The following SRF variants were observed in gnomAD, a reference collection of about 807,000 sequenced individuals.
SRF encodes the protein c-fos serum response element-binding transcription factor.
Under a neutral mutation model 37.1 loss-of-function variants are expected in SRF, and 7 were observed. That is an observed-to-expected ratio of 0.19 (90% CI 0.11 to 0.35). The LOEUF is 0.35. Ranked by LOEUF, SRF falls within the 10% of genes least tolerant of loss-of-function variation. SRF has a pLI of 1.00. For missense variants in SRF, 395 were observed against 694.4 expected, an observed-to-expected ratio of 0.57 and a Z score of 4.85; for synonymous variants, 285 against 310.1, an observed-to-expected ratio of 0.92 and a Z score of 0.85.
Position 43,171,507 on chromosome 6 carries a change from A to G in SRF, c.-150A>G, listed in dbSNP as rs1435887600. On this transcript the variant is annotated 5_prime_UTR_variant, in exon 1 of 7. Coordinates refer to ENST00000265354, the MANE Select transcript of SRF (RefSeq NM_003131.4). The surrounding 1 kb of genome is among the most constrained non-coding windows in gnomAD (Gnocchi z 6.5). ...AGGGCCCAGGTCGGCCCGGGCGTGC[A>G]GGGGCCCCGGGTTCGCAGCGGCGGC... 6.0e-6 allele frequency: 5 copies of G among 839,046 alleles called. No individual in the cohort carries two copies. Among genetic ancestry groups the G allele is most frequent in the Non-Finnish European group, 7.7e-6 (5 of 649,002 alleles). 52.0% of individuals were successfully genotyped at this position (839,046 alleles called of 1,614,324 possible).
chr6:43,177,675 G>A (rs928445503), intron 4 of SRF, among the ~76,000 whole-genome samples: 4 of 151,246 alleles, frequency 2.6e-5, no homozygotes, highest in African/African-American at 4.9e-5. Context: ...CAGCGCTTTG[G>A]GAGGCCGAGG....
At position 43,179,530 on chromosome 6, in the gene SRF, C is replaced by G. The variant is rs1772269136; in HGVS notation, c.*340C>G. 3.0e-6 allele frequency: 1 copy of G among 328,958 alleles called. No individual in the cohort carries two copies. Among genetic ancestry groups the G allele is most frequent in the Non-Finnish European group, 5.9e-6 (1 of 170,494 alleles). The allele number at this position is 328,958 out of a possible 1,614,324, so 20.4% of individuals were successfully genotyped here. On this transcript the variant is annotated 3_prime_UTR_variant, in exon 7 of 7. Transcript: ENST00000265354. This position sits in a 1 kb window ranked among gnomAD's most constrained non-coding sequence, Gnocchi z 5.3. ...CGTGCCCCACCTCCCCACACACAGG[C>G]CTTCTGTGGGGCTGGGCACCGTGTC...
At position 43,180,917 on chromosome 6, in the gene SRF, T is replaced by G. The variant is rs1176693772; in HGVS notation, c.*1727T>G. 6.6e-6 allele frequency: 1 copy of G among 152,382 alleles called. No homozygotes were observed. Among genetic ancestry groups the G allele is most frequent in the Non-Finnish European group, 1.5e-5 (1 of 68,040 alleles). 9.4% of individuals were successfully genotyped at this position (152,382 alleles called of 1,614,324 possible). ...ACCCTCATTGCTGTCTTGCCCCAGTTTGGGGTGCCAAGATGGAAGTCACCT... is the reference window on the plus strand; with the variant it reads ...ACCCTCATTGCTGTCTTGCCCCAGTGTGGGGTGCCAAGATGGAAGTCACCT... On this transcript the variant is annotated 3_prime_UTR_variant, in exon 7 of 7. Coordinates refer to ENST00000265354, the MANE Select transcript of SRF (RefSeq NM_003131.4).
At position 43,179,297 on chromosome 6, in the gene SRF, G is replaced by A. The variant is rs535273153; in HGVS notation, c.*107G>A. 3.4e-5 allele frequency: 42 copies of A among 1,234,266 alleles called. No individual in the cohort carries two copies. In the African/African-American group the frequency reaches 4.0e-4, roughly 12 times the overall value. The allele number at this position is 1,234,266 out of a possible 1,614,324, so 76.5% of individuals were successfully genotyped here. ...CGTTGACGGGCCGCAGGAGGGAGGC[G>A]GGGAGGAGGAACGGGCAGCCACAGG... is the stretch of plus-strand genomic sequence containing the variant. On this transcript the variant is annotated 3_prime_UTR_variant, in exon 7 of 7. Coordinates refer to ENST00000265354, the MANE Select transcript of SRF (RefSeq NM_003131.4). The surrounding 1 kb of genome is among the most constrained non-coding windows in gnomAD (Gnocchi z 5.3).
Position 43,181,149 on chromosome 6 carries a change from C to T in SRF, c.*1959C>T, listed in dbSNP as rs1380334322. ...GGAGGAGACCTTTGATGAATTCTTC[C>T]TCTCCTTCCCACAAAAGACAGACCC... On this transcript the variant is annotated 3_prime_UTR_variant, in exon 7 of 7. Coordinates refer to ENST00000265354, the MANE Select transcript of SRF (RefSeq NM_003131.4). 1 of 152,752 alleles carries T rather than the reference C, an allele frequency of 6.5e-6. No homozygotes were observed. The highest frequency in any genetic ancestry group is 1.5e-5 in the Non-Finnish European group (1 of 68,078). 9.5% of individuals were successfully genotyped at this position (152,752 alleles called of 1,614,324 possible). A position where few individuals can be genotyped will look rare whatever the true frequency, so the allele number is the denominator to read the frequency against.
In SRF at chr6:43,172,044, G is replaced by C. The variant is rs1413840906; in HGVS notation, c.388G>C (p.Ala130Pro). ...ATGGYGPVSGAVSGAKPGKKT... is the reference protein window; with the variant it reads ...ATGGYGPVSGPVSGAKPGKKT... ...CGGGGGCTACGGGCCGGTGAGCGGC[G>C]CGGTGAGCGGGGCCAAGCCGGGTAA... The change falls in exon 1 of 7, where the codon GCG (alanine) becomes CCG (proline). Residue 130 changes from alanine to proline, a missense_variant. By Grantham distance (27) the Ala-to-Pro change is conservative. Around this residue, in one of 4 missense-constraint regions of SRF, gnomAD observed 134 missense variants for 204.5 expected, o/e 0.66. Transcript: ENST00000265354. This position sits in a 1 kb window ranked among gnomAD's most constrained non-coding sequence, Gnocchi z 5.7. 6.2e-7 allele frequency: 1 copy of C among 1,603,876 alleles called. No individual in the cohort carries two copies. Among genetic ancestry groups the C allele is most frequent in the African/African-American group, 1.3e-5 (1 of 74,704 alleles).
In SRF at chr6:43,172,184, G is replaced by T; in HGVS notation, c.513+15G>T. ...TCATGAAGAAGGTACCAAGCCGGGG[G>T]GCTGGCCGGCCCCGGGGCCCGGTTG... On this transcript the variant is annotated intron_variant, in intron 1 of 6. Coordinates refer to ENST00000265354, the MANE Select transcript of SRF (RefSeq NM_003131.4). The surrounding 1 kb of genome is among the most constrained non-coding windows in gnomAD (Gnocchi z 5.7). 2 of 1,605,344 alleles carry T rather than the reference G, an allele frequency of 1.2e-6. No homozygotes were observed. Among genetic ancestry groups the T allele is most frequent in the Non-Finnish European group, 1.7e-6 (2 of 1,178,490 alleles).
rs1194060457 is a variant in SRF, at chr6:43,181,336, G to A, written c.*2146G>A. 6.5e-6 allele frequency: 1 copy of A among 152,854 alleles called. No homozygotes were observed. The highest frequency in any genetic ancestry group is 1.5e-5 in the Non-Finnish European group (1 of 68,104). The allele number at this position is 152,854 out of a possible 1,614,324, so 9.5% of individuals were successfully genotyped here. On this transcript the variant is annotated 3_prime_UTR_variant, in exon 7 of 7. Coordinates refer to ENST00000265354, the MANE Select transcript of SRF (RefSeq NM_003131.4). ...CTGGGGTATGTGTGTGTGGGTGTGT[G>A]CGCCTGAGTGAGTGTGTGTGCTTGA...
At chr6:43,177,226 C>CTTTTTTTTTTTT (rs1562000896) in intron 4 of SRF, among the ~76,000 whole-genome samples, 28 of 109,326 alleles carry the variant, frequency 2.6e-4, no homozygotes, top group South Asian at 1.3e-3. Flanking sequence ...GAATCGGAGT[C>CTTTTTTTTTTTT]TGTTTTTTTT....
Position 43,178,772 on chromosome 6 carries a change from C to T in SRF, c.1355-34C>T. On this transcript the variant is annotated intron_variant, in intron 5 of 6. Transcript: ENST00000265354. The surrounding 1 kb of genome is among the most constrained non-coding windows in gnomAD (Gnocchi z 4.3). ...TCCAATATCTGGAAGTTTCAACAAA[C>T]AATTTGAGTATCTCCTGTGGTTTTC... 6.2e-7 allele frequency: 1 copy of T among 1,609,248 alleles called. No homozygotes were observed. Among genetic ancestry groups the T allele is most frequent in the African/African-American group, 1.3e-5 (1 of 74,936 alleles).
rs761628822 is a variant in SRF at position 43,175,698 on chromosome 6, G to T, written c.781-8G>T. On this transcript the variant is annotated splice_region_variant and splice_polypyrimidine_tract_variant and intron_variant, in intron 2 of 6. Coordinates refer to ENST00000265354, the MANE Select transcript of SRF (RefSeq NM_003131.4). ...GGGCTCATTGCTTCATCTTTACTCT[G>T]GGTATAGGACACACTGAAGCCGGCG... The T allele has an allele frequency of 6.2e-7, 1 of 1,613,914 alleles. No homozygotes were observed. Among genetic ancestry groups the T allele is most frequent in the Non-Finnish European group, 8.5e-7 (1 of 1,179,858 alleles).
At position 43,171,442 on chromosome 6, in the gene SRF, C is replaced by A; in HGVS notation, c.-215C>A. ...TAGCAGACGGACAGGGGGCGCTGCG[C>A]GCGGCCTGGGGCAACCCGGGCCACA... On this transcript the variant is annotated 5_prime_UTR_variant, in exon 1 of 7. Transcript: ENST00000265354. The surrounding 1 kb of genome is among the most constrained non-coding windows in gnomAD (Gnocchi z 6.5). The A allele has an allele frequency of 2.9e-6, 1 of 347,624 alleles. No homozygotes were observed. Among genetic ancestry groups the A allele is most frequent in the Non-Finnish European group, 4.7e-6 (1 of 212,318 alleles). 21.5% of individuals were successfully genotyped at this position (347,624 alleles called of 1,614,324 possible). A position where few individuals can be genotyped will look rare whatever the true frequency, so the allele number is the denominator to read the frequency against.
At position 43,173,013 on chromosome 6, in the gene SRF, CAAG is replaced by C. The variant is rs1433926835; in HGVS notation, c.514-833_514-831del. Among the ~76,000 whole-genome samples, 1 of 152,128 alleles carries C rather than the reference CAAG, an allele frequency of 6.6e-6. No homozygotes were observed. Among genetic ancestry groups the C allele is most frequent in the Non-Finnish European group, 1.5e-5 (1 of 68,032 alleles). ...AGATGAAAGCAGAGGAACTGGGAGA[CAAG>C]GAGCTGGATCCTTGGGAACACTGGC... On this transcript the variant is annotated intron_variant, in intron 1 of 6. Transcript: ENST00000265354. The surrounding 1 kb of genome is among the most constrained non-coding windows in gnomAD (Gnocchi z 4.2).
intron 2 of SRF, among the ~76,000 whole-genome samples, chr6:43,175,150 A>G (rs1358919490): frequency 6.6e-6 from 1 of 152,216 alleles, no homozygotes; most frequent in East Asian, 1.9e-4. Context: ...TTCCTATCTC[A>G]GAAGCCTGAC....
Position 43,172,507 on chromosome 6 carries a change from C to T in SRF, c.513+338C>T, listed in dbSNP as rs978830335. The T allele has an allele frequency of 3.1e-6, 3 of 975,882 alleles. No individual in the cohort carries two copies. The highest frequency in any genetic ancestry group is 3.7e-6 in the Non-Finnish European group (3 of 821,340). 60.5% of individuals were successfully genotyped at this position (975,882 alleles called of 1,614,324 possible). ...TGCCGGGGAGGTGGATAATGAGAAC[C>T]CGGGATCAGTAGGTCCAGTGCACTC... On this transcript the variant is annotated intron_variant, in intron 1 of 6. Coordinates refer to ENST00000265354, the MANE Select transcript of SRF (RefSeq NM_003131.4). This position sits in a 1 kb window ranked among gnomAD's most constrained non-coding sequence, Gnocchi z 5.7.
Position 43,171,719 on chromosome 6 carries a change from C to G in SRF, c.63C>G (p.Ser21Arg). 4.1e-6 allele frequency: 5 copies of G among 1,205,196 alleles called. No homozygotes were observed. The South Asian group carries it at 1.7e-4, about 40-fold the overall frequency. 74.7% of individuals were successfully genotyped at this position (1,205,196 alleles called of 1,614,324 possible). A position where few individuals can be genotyped will look rare whatever the true frequency, so the allele number is the denominator to read the frequency against. Residue 21 changes from serine to arginine, a missense_variant, in exon 1 of 7, where the codon AGC (serine) becomes AGG (arginine). Physicochemically the swap from Ser to Arg is moderately radical, Grantham distance 110. This residue lies in a region of SRF where 134 missense variants were observed against 204.5 expected (regional missense o/e 0.66). Coordinates refer to ENST00000265354, the MANE Select transcript of SRF (RefSeq NM_003131.4). This position sits in a 1 kb window ranked among gnomAD's most constrained non-coding sequence, Gnocchi z 6.5. ...GCCGGGGCTCGGCCCTGGGGGGCAG[C>G]CTGAACCGGACCCCGACGGGGCGGC... ...ALGRGSALGG[S>R]LNRTPTGRPG...
chr6:43,171,289 T>TG lies in SRF; in HGVS notation c.-362dup, dbSNP rs943483544. The TG allele has an allele frequency of 8.8e-5, 14 of 159,052 alleles. No individual in the cohort carries two copies. The highest frequency in any genetic ancestry group is 2.9e-3 in the Middle Eastern group (1 of 342). 9.9% of individuals were successfully genotyped at this position (159,052 alleles called of 1,614,324 possible). Reference sequence around the variant, plus strand: ...AAAGGAAACATTGTATCTCTTTATATGGGGGGAAGGGTCGGGGGATCCCTC... The same window carrying TG: ...AAAGGAAACATTGTATCTCTTTATATGGGGGGGAAGGGTCGGGGGATCCCTC... On this transcript the variant is annotated 5_prime_UTR_variant, in exon 1 of 7. It removes the in-frame stop codon of an upstream open reading frame in the 5' UTR. Transcript: ENST00000265354. This position sits in a 1 kb window ranked among gnomAD's most constrained non-coding sequence, Gnocchi z 6.5.
chr6:43,174,137 G>C (rs1238287548), intron 2 of SRF, 24 bp downstream of exon 2: 6 of 1,612,334 alleles, frequency 3.7e-6, no homozygotes. Flanking sequence ...GCCTATGTGA[G>C]AGGAGGGAAG....
At chr6:43,177,226 C>CTTTTTTTTTTTTTTTTTTTT (rs1562000896) in intron 4 of SRF, among the ~76,000 whole-genome samples, 4 of 109,356 alleles carry the variant, frequency 3.7e-5, no homozygotes, top group African/African-American at 1.1e-4. Context: ...GAATCGGAGT[C>CTTTTTTTTTTTTTTTTTTTT]TGTTTTTTTT....
Sources: gnomAD v4.1 joint callset for allele counts (sites outside exome capture counted in the v4.1 genomes callset) on GRCh38, gnomAD v4.1.1 for gene constraint, gnomAD v4.1.1 regional missense constraint, Gnocchi (gnomAD v3.1) non-coding constraint, MANE v1.5 for transcripts, NCBI Gene and HGNC (gene_info 2026-07-23, HGNC 2026-07-21) for gene names.